DLC1: variants seen among roughly 807,000 people sequenced by gnomAD.
DLC1 encodes the protein DLC1 Rho GTPase activating protein.
In DLC1, 54 loss-of-function variants were observed where a neutral mutation model predicts 140.3. That is an observed-to-expected ratio of 0.38 (90% confidence interval 0.31 to 0.48). The LOEUF is 0.48. Ranked by LOEUF, DLC1 falls within the 20% of genes least tolerant of loss-of-function variation. The pLI is 0.96. For missense variants in DLC1, 2,536 were observed against 1,907.0 expected (o/e 1.33, Z -6.14); for synonymous variants, 986 against 728.1 (o/e 1.35, Z -5.70).
At chr8:13,371,991 C>G (rs894691389) in intron 4 of DLC1, among the ~76,000 whole-genome samples, 2 of 152,158 alleles carry the variant, frequency 1.3e-5, no homozygotes, top group Admixed American at 6.6e-5. Flanking sequence ...ATGGTACCTT[C>G]TCAAGAGCCA....
At chr8:13,333,480 C>G (rs1266275747) in intron 4 of DLC1, among the ~76,000 whole-genome samples, 1 of 152,158 alleles carries the variant, frequency 6.6e-6, no homozygotes, top group African/African-American at 2.4e-5. Flanking sequence ...AACTCCTGCA[C>G]TGAAGTGATC....
intron 12 of DLC1, 48 bp from the exon 13 acceptor site, chr8:13,092,873 A>C (rs759065037): frequency 6.4e-7 from 1 of 1,572,916 alleles, no homozygotes. Context: ...ATTTGCATGG[A>C]CATTGCAAGG....
intron 5 of DLC1, among the ~76,000 whole-genome samples, chr8:13,149,917 C>T (rs1409591741): frequency 2.6e-5 from 4 of 152,196 alleles, no homozygotes; most frequent in Admixed American, 6.5e-5. Context: ...AAAACTGAGA[C>T]TTCATTCTGC....
At chr8:13,486,716 T>C (rs1032661398) in intron 2 of DLC1, among the ~76,000 whole-genome samples, 1 of 75,192 alleles carries the variant, frequency 1.3e-5, no homozygotes, top group Non-Finnish European at 2.9e-5. Flanking sequence ...TATTTGTTTG[T>C]AAGATGACAC....
rs61752025 is a variant in DLC1, at chr8:13,090,347, C to A, written c.3979G>T (p.Asp1327Tyr). ...DSADYQHFLQ[D>Y]CVDGLFKEVK... is the part of the protein sequence containing the mutation. ...TCTTTAAACAGGCCATCCACACAGTCCTGGAGGAAGTGTTGGTAGTCAGCT... is the reference window on the plus strand; with the variant it reads ...TCTTTAAACAGGCCATCCACACAGTACTGGAGGAAGTGTTGGTAGTCAGCT... Residue 1327 changes from aspartate (D) to tyrosine (Y), a missense_variant, in exon 15 of 18, where the codon GAC becomes TAC. Transcript: ENST00000276297. 4.0e-4 allele frequency: 650 copies of A among 1,614,206 alleles called. 3 individuals carry two copies. In the African/African-American group the frequency reaches 7.1e-3, roughly 18 times the overall value.
intron 5 of DLC1, among the ~76,000 whole-genome samples, chr8:13,250,402 A>G (rs1037492852): frequency 4.6e-5 from 7 of 152,126 alleles, no homozygotes; most frequent in African/African-American, 1.4e-4. Flanking sequence ...CTCTTTTCCA[A>G]TGACTTCTAG....
In DLC1 at chr8:13,319,245, C is replaced by G. The variant is rs74330288; in HGVS notation, c.1315-13943G>C. Among the ~76,000 whole-genome samples, 22 of 152,306 alleles carry G rather than the reference C, an allele frequency of 1.4e-4. No homozygotes were observed. In the East Asian group the frequency reaches 3.5e-3, roughly 24 times the overall value. On this transcript the variant is annotated intron_variant, in intron 4 of 17. Coordinates refer to ENST00000276297, the MANE Select transcript of DLC1 (RefSeq NM_182643.3). ...ACTTATTGTAAGCATGTAAAAGACACCTGGTCTTAAACAGAAATTTTGCAT... is the reference window on the plus strand; with the variant it reads ...ACTTATTGTAAGCATGTAAAAGACAGCTGGTCTTAAACAGAAATTTTGCAT...
intron 4 of DLC1, among the ~76,000 whole-genome samples, chr8:13,391,438 A>G (rs1836757796): frequency 6.6e-6 from 1 of 152,142 alleles, no homozygotes; most frequent in Middle Eastern, 3.2e-3. Context: ...AGTACATACA[A>G]ATATTTTTCT....
intron 5 of DLC1, among the ~76,000 whole-genome samples, chr8:13,244,070 C>T (rs1316976652): frequency 6.6e-6 from 1 of 152,092 alleles, no homozygotes; most frequent in Non-Finnish European, 1.5e-5. Context: ...TGACTTCTCC[C>T]TTTCCTGTGC....
intron 1 of DLC1, among the ~76,000 whole-genome samples, chr8:13,569,893 C>G (rs113003237): frequency 8.8e-4 from 134 of 152,164 alleles, no homozygotes; most frequent in African/African-American, 3.2e-3. Flanking sequence ...GGCTAAATTT[C>G]TTTATTTGTA....
chr8:13,197,698 G>T (rs913391610), intron 5 of DLC1, among the ~76,000 whole-genome samples: 54 of 151,726 alleles, frequency 3.6e-4, no homozygotes, highest in Non-Finnish European at 7.1e-4. Flanking sequence ...ATACATTTTT[G>T]TGACTAACAT....
chr8:13,296,150 T>A (rs1379239395), intron 5 of DLC1, among the ~76,000 whole-genome samples: 1 of 151,770 alleles, frequency 6.6e-6, no homozygotes, highest in Non-Finnish European at 1.5e-5. Context: ...GAGACAGAGT[T>A]ACACCATGTT....
chr8:13,154,134 G>T (rs1474861914), intron 5 of DLC1, among the ~76,000 whole-genome samples: 2 of 152,238 alleles, frequency 1.3e-5, no homozygotes, highest in Admixed American at 6.5e-5. Context: ...AGACATAAAG[G>T]TTCTCCAAGT....
intron 15 of DLC1, among the ~76,000 whole-genome samples, chr8:13,089,625 A>G (rs1585570553): frequency 6.6e-6 from 1 of 152,206 alleles, no homozygotes; most frequent in East Asian, 1.9e-4. Flanking sequence ...ACTCCATCTC[A>G]AAAAATATAA....
intron 5 of DLC1, among the ~76,000 whole-genome samples, chr8:13,216,385 C>G (rs1365336428): frequency 1.3e-5 from 2 of 152,096 alleles, no homozygotes; most frequent in East Asian, 1.9e-4. Flanking sequence ...GTTTAAAATC[C>G]AGTTCTTCTG....
intron 1 of DLC1, among the ~76,000 whole-genome samples, chr8:13,533,391 A>G (rs571872126): frequency 2.0e-5 from 3 of 152,298 alleles, no homozygotes; most frequent in African/African-American, 4.8e-5. Flanking sequence ...GTCAACAACT[A>G]TATCTGTGGT....
At chr8:13,217,831 C>G (rs1284190936) in intron 5 of DLC1, among the ~76,000 whole-genome samples, 3 of 151,088 alleles carry the variant, frequency 2.0e-5, no homozygotes, top group Non-Finnish European at 4.4e-5. Context: ...GAGTGAGACT[C>G]CATTTCAAAA....
intron 2 of DLC1, among the ~76,000 whole-genome samples, chr8:13,486,354 C>G (rs889365668): frequency 2.0e-5 from 3 of 151,994 alleles, no homozygotes; most frequent in Admixed American, 6.5e-5. Flanking sequence ...TTTTTTCCCC[C>G]GCACACAAAG....
chr8:13,273,428 AGAAACTCCTGTGG>A (rs1375028663), intron 5 of DLC1, among the ~76,000 whole-genome samples: 3 of 152,212 alleles, frequency 2.0e-5, no homozygotes, highest in Non-Finnish European at 4.4e-5. Context: ...TAGGATTAAC[AGAAACTCCTGTGG>A]GATGTAACTG....
Sources: allele counts gnomAD v4.1 joint callset (sites outside exome capture counted in the v4.1 genomes callset), GRCh38; gene constraint gnomAD v4.1.1; transcripts MANE v1.5; gene names NCBI Gene and HGNC (gene_info 2026-07-23, HGNC 2026-07-21).